Variants in MARCHF10 observed in about 807,000 individuals in gnomAD.
The protein encoded by MARCHF10 is membrane associated ring-CH-type finger 10, also known as probable E3 ubiquitin-protein ligase MARCHF10.
In MARCHF10, 64 loss-of-function variants were observed where a neutral mutation model predicts 76.2. The ratio of observed to expected loss-of-function variants is 0.84; its 90% CI spans 0.69 to 1.03. The LOEUF is 1.03. Ranked by LOEUF, MARCHF10 falls within the 50% of genes least tolerant of loss-of-function variation. The probability of loss-of-function intolerance (pLI) is 0.00; values close to 1 mark genes in which losing one functional copy is unlikely to be tolerated. For synonymous variants in MARCHF10, 340 were observed against 357.5 expected (o/e 0.95, Z 0.55); for missense variants, 875 against 958.0 (o/e 0.91, Z 1.14).
intron 1 of MARCHF10, among the ~76,000 whole-genome samples, chr17:62,806,035 T>A (rs1008791953): frequency 1.3e-5 from 2 of 152,318 alleles, no homozygotes; most frequent in African/African-American, 4.8e-5. Flanking sequence ...TGGTGCCACA[T>A]GTAATTTTTT....
At chr17:62,704,961 T>TTTTTTTTTTA in intron 10 of MARCHF10, 4 of 925,270 alleles carry the variant, frequency 4.3e-6, no homozygotes, top group Non-Finnish European at 5.2e-6. Context: ...TTTTTTTTTT[T>TTTTTTTTTTA]AATGGAAAAA....
Position 62,738,101 on chromosome 17 carries a change from A to ACACACACACACAC in MARCHF10, c.536-770_536-769insGTGTGTGTGTGTG. Among the ~76,000 whole-genome samples, 1 of 40,222 alleles carries ACACACACACACAC rather than the reference A, an allele frequency of 2.5e-5. No individual in the cohort carries two copies. Among genetic ancestry groups the ACACACACACACAC allele is most frequent in the Admixed American group, 2.0e-4 (1 of 5,088 alleles). The allele number at this position is 40,222 out of a possible 152,430, so 26.4% of individuals were successfully genotyped here. ...ACACACACACACACACACACACACA[A>ACACACACACACAC]CTTAAGCCTCACAACCCTGTGAAAT... is the stretch of plus-strand genomic sequence containing the variant. On this transcript the variant is annotated intron_variant, in intron 5 of 10. Transcript: ENST00000311269. This position sits in a 1 kb window ranked among gnomAD's most constrained non-coding sequence, Gnocchi z 4.0.
intron 6 of MARCHF10, among the ~76,000 whole-genome samples, chr17:62,729,088 C>T (rs535824333): frequency 1.4e-4 from 21 of 152,080 alleles, no homozygotes; most frequent in Middle Eastern, 3.4e-3. Context: ...CACAGGCACA[C>T]GCCACCACCC....
chr17:62,716,528 G>A (rs2090206573), intron 8 of MARCHF10, among the ~76,000 whole-genome samples: 1 of 152,080 alleles, frequency 6.6e-6, no homozygotes, highest in Non-Finnish European at 1.5e-5. Context: ...TTGAACCCAG[G>A]AGGGACCCTG....
intron 6 of MARCHF10, among the ~76,000 whole-genome samples, chr17:62,726,715 C>T (rs2090773152): frequency 6.6e-6 from 1 of 152,294 alleles, no homozygotes; most frequent in South Asian, 2.1e-4. Context: ...TCTCTGCAAC[C>T]TCTGCCGGAT....
At chr17:62,725,272 C>CT (rs1390694754) in intron 6 of MARCHF10, among the ~76,000 whole-genome samples, 168 bp from the exon 7 acceptor site, 4 of 151,720 alleles carry the variant, frequency 2.6e-5, no homozygotes, top group South Asian at 2.1e-4. Flanking sequence ...CAAATTCTCT[C>CT]TTTTTTTTTG....
At chr17:62,744,664 G>A (rs2091639244) in intron 4 of MARCHF10, 136 bp from the exon 5 acceptor site, 1 of 840,022 alleles carries the variant, frequency 1.2e-6, no homozygotes, top group East Asian at 2.7e-5. Flanking sequence ...GGACCCAGGA[G>A]GTCACAGAAG....
In MARCHF10 at chr17:62,770,276, G is replaced by C. The variant is rs930712840; in HGVS notation, c.211-10270C>G. Among the ~76,000 whole-genome samples, 13 of 152,220 alleles carry C rather than the reference G, an allele frequency of 8.5e-5. 1 individual carries two copies. The highest frequency in any genetic ancestry group is 5.9e-4 in the Admixed American group (9 of 15,278). ...TCTTTATCCAATCTACCATTGATAG[G>C]CACCTACACTGATTCCATGTCTTTG... On this transcript the variant is annotated intron_variant, in intron 3 of 10. Coordinates refer to ENST00000311269, the MANE Select transcript of MARCHF10 (RefSeq NM_152598.4).
At chr17:62,743,019 G>A (rs1185719371) in intron 5 of MARCHF10, among the ~76,000 whole-genome samples, 1 of 152,162 alleles carries the variant, frequency 6.6e-6, no homozygotes, top group Non-Finnish European at 1.5e-5. Context: ...CCACTGTGTG[G>A]ACTTATTCTG....
chr17:62,766,709 C>T (rs1351898384), intron 3 of MARCHF10, among the ~76,000 whole-genome samples: 3 of 151,962 alleles, frequency 2.0e-5, no homozygotes, highest in East Asian at 1.9e-4. Flanking sequence ...TGGAGATCAT[C>T]GATGAAAATG....
In MARCHF10 at chr17:62,711,270, T is replaced by A; in HGVS notation, c.2289A>T (p.Glu763Asp). ...LLHLYEQRFA[E>D]LMRLNHNQVE... ...CCTGGTTGTGGTTGAGCCTCATGAGTTCTGCAAACCTCTGCTCATAGAGGT... is the reference window on the plus strand; with the variant it reads ...CCTGGTTGTGGTTGAGCCTCATGAGATCTGCAAACCTCTGCTCATAGAGGT... The change falls in exon 9 of 11, where the codon GAA becomes GAT. Residue 763 changes from glutamate (E) to aspartate (D), a missense_variant. By Grantham distance (45) the Glu-to-Asp change is conservative (BLOSUM62 2). Transcript: ENST00000311269. The surrounding 1 kb of genome is among the most constrained non-coding windows in gnomAD (Gnocchi z 4.4). 1.9e-6 allele frequency: 3 copies of A among 1,614,006 alleles called. No homozygotes were observed. The highest frequency in any genetic ancestry group is 2.5e-6 in the Non-Finnish European group (3 of 1,179,922).
At chr17:62,703,079 A>G (rs1413604550) in intron 10 of MARCHF10, among the ~76,000 whole-genome samples, 1 of 152,166 alleles carries the variant, frequency 6.6e-6, no homozygotes, top group Non-Finnish European at 1.5e-5. Flanking sequence ...TCCTGGGCAC[A>G]CCCAGGGACT....
intron 1 of MARCHF10, among the ~76,000 whole-genome samples, chr17:62,805,959 CAA>C (rs1171851216): frequency 5.3e-5 from 8 of 151,496 alleles, no homozygotes; most frequent in Non-Finnish European, 1.0e-4. Flanking sequence ...AAATTGCCTA[CAA>C]AAGTCTCTCT....
chr17:62,711,267 G>C lies in MARCHF10; in HGVS notation c.2292C>G (p.Leu764=). Residue 764 remains leucine (L), a synonymous_variant, in exon 9 of 11, where the codon CTC becomes CTG. Transcript: ENST00000311269. The surrounding 1 kb of genome is among the most constrained non-coding windows in gnomAD (Gnocchi z 4.4). ...CCACCTGGTTGTGGTTGAGCCTCAT[G>C]AGTTCTGCAAACCTCTGCTCATAGA... ...LHLYEQRFAE[L]MRLNHNQVER... is the part of the protein sequence containing the mutation. 6.2e-7 allele frequency: 1 copy of C among 1,614,046 alleles called. No homozygotes were observed. The highest frequency in any genetic ancestry group is 8.5e-7 in the Non-Finnish European group (1 of 1,179,922).
intron 7 of MARCHF10, among the ~76,000 whole-genome samples, chr17:62,723,840 A>G (rs560805309): frequency 6.6e-6 from 1 of 152,254 alleles, no homozygotes; most frequent in East Asian, 1.9e-4. Flanking sequence ...TGCTCGTTAT[A>G]TGGATATGCG....
chr17:62,744,618 G>C (rs538578107), intron 4 of MARCHF10, 90 bp from the exon 5 acceptor site: 14 of 1,455,482 alleles, frequency 9.6e-6, no homozygotes, highest in South Asian at 1.3e-5. Flanking sequence ...AGCAATGTTT[G>C]GGGGTGGGGT....
intron 2 of MARCHF10, among the ~76,000 whole-genome samples, chr17:62,800,911 A>T (rs1441916910): frequency 1.3e-5 from 2 of 152,298 alleles, no homozygotes; most frequent in East Asian, 3.9e-4. Flanking sequence ...AAAATGTGCA[A>T]ACCACCTTTC....
chr17:62,704,336 C>G (rs2089442870), intron 10 of MARCHF10, among the ~76,000 whole-genome samples: 1 of 151,954 alleles, frequency 6.6e-6, no homozygotes, highest in Non-Finnish European at 1.5e-5. Context: ...CCCGGGGGGG[C>G]GAGGCCGGGG....
At chr17:62,782,202 C>G (rs1379126758) in intron 3 of MARCHF10, among the ~76,000 whole-genome samples, 2 of 152,026 alleles carry the variant, frequency 1.3e-5, no homozygotes, top group Non-Finnish European at 2.9e-5. Context: ...TTGAGACATG[C>G]CAGCCTTCTT....
Sources: allele counts gnomAD v4.1 joint callset (sites outside exome capture counted in the v4.1 genomes callset), GRCh38; gene constraint gnomAD v4.1.1; non-coding constraint Gnocchi (gnomAD v3.1); transcripts MANE v1.5; gene names NCBI Gene and HGNC (gene_info 2026-07-23, HGNC 2026-07-21).